The following PPARD variants were observed in gnomAD, a reference collection of about 807,000 sequenced individuals.
PPARD encodes the protein peroxisome proliferator activated receptor delta, also known as peroxisome proliferator-activated receptor delta.
A neutral mutation model predicts 39.5 loss-of-function variants in PPARD; 6 were observed. That is an observed-to-expected ratio of 0.15 (90% CI 0.08 to 0.30). The LOEUF (loss-of-function observed/expected upper bound fraction) is 0.30, where lower values mean the gene tolerates loss of function less well. PPARD is among the 10% of genes least tolerant of loss of function. The pLI is 1.00. For missense variants in PPARD, 397 were observed against 596.8 expected, an observed-to-expected ratio of 0.67 and a Z score of 3.49; for synonymous variants, 210 against 231.3, an observed-to-expected ratio of 0.91 and a Z score of 0.83.
chr6:35,418,055 C>A (rs1263739022), intron 3 of PPARD, among the ~76,000 whole-genome samples: 1 of 152,118 alleles, frequency 6.6e-6, no homozygotes, highest in Non-Finnish European at 1.5e-5. Flanking sequence ...GGGTATTGGC[C>A]ACTGTGGACA....
chr6:35,365,386 C>T (rs1762157922), intron 2 of PPARD, among the ~76,000 whole-genome samples: 3 of 150,906 alleles, frequency 2.0e-5, no homozygotes, highest in Admixed American at 2.0e-4. Context: ...ATGATCCGCC[C>T]GCCTCGGCCT....
chr6:35,348,279 A>C (rs1328442613), intron 2 of PPARD: 2 of 896,542 alleles, frequency 2.2e-6, no homozygotes, highest in South Asian at 1.0e-4. Context: ...AAACAGATCC[A>C]ATCTCTGCCT....
intron 2 of PPARD, among the ~76,000 whole-genome samples, chr6:35,379,122 A>C (rs1386840410): frequency 1.5e-5 from 2 of 134,226 alleles, no homozygotes. Flanking sequence ...TTCTTTTTTG[A>C]GATAGCGTCT....
At chr6:35,398,769 A>G (rs1248203444) in intron 2 of PPARD, among the ~76,000 whole-genome samples, 1 of 152,208 alleles carries the variant, frequency 6.6e-6, no homozygotes, top group Non-Finnish European at 1.5e-5. Context: ...ATCACATGCT[A>G]TCGTGGGTCA....
chr6:35,372,911 C>G (rs1237999780), intron 2 of PPARD, among the ~76,000 whole-genome samples: 1 of 152,128 alleles, frequency 6.6e-6, no homozygotes, highest in Non-Finnish European at 1.5e-5. Flanking sequence ...TAACAAAATT[C>G]CTGAGATGGG....
intron 5 of PPARD, among the ~76,000 whole-genome samples, chr6:35,422,946 A>G (rs187113353): frequency 6.7e-6 from 1 of 148,822 alleles, no homozygotes; most frequent in African/African-American, 2.5e-5. Flanking sequence ...GGCCAGGTGC[A>G]GTGGCTCACA....
intron 2 of PPARD, among the ~76,000 whole-genome samples, chr6:35,398,695 A>ATG (rs1177430500): frequency 2.8e-4 from 42 of 152,214 alleles, no homozygotes; most frequent in Admixed American, 1.8e-3. Context: ...ATCAGAGCAA[A>ATG]ACCTGGGAGG....
intron 2 of PPARD, among the ~76,000 whole-genome samples, chr6:35,394,296 G>T (rs989364009): frequency 6.6e-6 from 1 of 152,246 alleles, no homozygotes; most frequent in Non-Finnish European, 1.5e-5. Flanking sequence ...CACCATGTCT[G>T]TGCCACCTGC....
Position 35,425,118 on chromosome 6 carries a change from CA to C in PPARD, c.1078+345del. ...TGAAACCCCGTCTCTACTAAAAATA[CA>C]AAAAATTAGCCAGATGTGGTGGCAC... On this transcript the variant is annotated intron_variant, in intron 7 of 7. Transcript: ENST00000360694. This position sits in a 1 kb window ranked among gnomAD's most constrained non-coding sequence, Gnocchi z 4.5. The C allele has an allele frequency of 2.3e-6, 2 of 857,264 alleles. 1 individual carries two copies. The highest frequency in any genetic ancestry group is 7.2e-5 in the South Asian group (2 of 27,652). 53.1% of individuals were successfully genotyped at this position (857,264 alleles called of 1,614,324 possible).
At chr6:35,403,095 G>A (rs979971262) in intron 2 of PPARD, among the ~76,000 whole-genome samples, 1 of 152,148 alleles carries the variant, frequency 6.6e-6, no homozygotes. Flanking sequence ...GCTCCCTGCC[G>A]GTTCTCTCCC....
chr6:35,378,105 G>A (rs539829741), intron 2 of PPARD, among the ~76,000 whole-genome samples: 2 of 151,918 alleles, frequency 1.3e-5, no homozygotes, highest in African/African-American at 2.4e-5. Context: ...TTTGTGATCC[G>A]CCCGCCTCGG....
chr6:35,410,466 A>G (rs1765352932), intron 2 of PPARD, among the ~76,000 whole-genome samples: 1 of 152,224 alleles, frequency 6.6e-6, no homozygotes, highest in Admixed American at 6.5e-5. Context: ...AACATGAGCC[A>G]AGAACAGCAG....
intron 3 of PPARD, among the ~76,000 whole-genome samples, chr6:35,413,906 A>T (rs1009417565): frequency 1.3e-5 from 2 of 151,480 alleles, no homozygotes; most frequent in Non-Finnish European, 2.9e-5. Context: ...CTAGTCACGA[A>T]CTCCTCAGGT....
intron 2 of PPARD, among the ~76,000 whole-genome samples, chr6:35,381,957 A>G (rs1006734424): frequency 6.6e-6 from 1 of 152,208 alleles, no homozygotes; most frequent in Admixed American, 6.5e-5. Flanking sequence ...GAGTGGAGAA[A>G]GGCATGAAGT....
At position 35,425,162 on chromosome 6, in the gene PPARD, T is replaced by C. The variant is rs1766487447; in HGVS notation, c.1078+383T>C. 1.3e-6 allele frequency: 1 copy of C among 794,520 alleles called. No individual in the cohort carries two copies. Among genetic ancestry groups the C allele is most frequent in the South Asian group, 4.3e-5 (1 of 23,428 alleles). The allele number at this position is 794,520 out of a possible 1,614,324, so 49.2% of individuals were successfully genotyped here. On this transcript the variant is annotated intron_variant, in intron 7 of 7. Transcript: ENST00000360694. The surrounding 1 kb of genome is among the most constrained non-coding windows in gnomAD (Gnocchi z 4.5). ...GGTGGCACGCGCCTGTAATCCCAGC[T>C]ACTTGGGAGGCTGAGCCAGGAGAAT...
chr6:35,354,999 T>C (rs1761491948), intron 2 of PPARD, among the ~76,000 whole-genome samples: 1 of 152,198 alleles, frequency 6.6e-6, no homozygotes, highest in African/African-American at 2.4e-5. Context: ...AAAATGAACC[T>C]CAGGAAATGC....
intron 2 of PPARD, among the ~76,000 whole-genome samples, chr6:35,388,976 G>A (rs374231900): frequency 5.2e-4 from 79 of 152,296 alleles, no homozygotes; most frequent in African/African-American, 1.2e-3. Flanking sequence ...GAAACTGGAC[G>A]CACAACAGCA....
At position 35,388,824 on chromosome 6, in the gene PPARD, A is replaced by G. The variant is rs951929323; in HGVS notation, c.-101-22163A>G. On this transcript the variant is annotated intron_variant, in intron 2 of 7. Coordinates refer to ENST00000360694, the MANE Select transcript of PPARD (RefSeq NM_006238.5). ...AACATGTGGCAGAGGGTCGGTGTCC[A>G]TGGACACGCTTCCACCACCTGGTCT... is the stretch of plus-strand genomic sequence containing the variant. 3.9e-5 allele frequency among the ~76,000 whole-genome samples: 6 copies of G among 152,304 alleles called. No individual in the cohort carries two copies. In the South Asian group the frequency reaches 1.0e-3, roughly 26 times the overall value.
At chr6:35,354,082 A>G (rs1761417008) in intron 2 of PPARD, among the ~76,000 whole-genome samples, 1 of 151,772 alleles carries the variant, frequency 6.6e-6, no homozygotes, top group Non-Finnish European at 1.5e-5. Context: ...AATACAAAAA[A>G]TTAGCTGGGC....
Sources: gnomAD v4.1 joint callset for allele counts (sites outside exome capture counted in the v4.1 genomes callset) on GRCh38, gnomAD v4.1.1 for gene constraint, Gnocchi (gnomAD v3.1) non-coding constraint, MANE v1.5 for transcripts, NCBI Gene and HGNC (gene_info 2026-07-23, HGNC 2026-07-21) for gene names.